The following RAB31 variants were observed in gnomAD, a reference collection of about 807,000 sequenced individuals.
RAB31 encodes ras-related protein Rab-31.
RAB31 carries 21 observed loss-of-function variants against 25.6 expected under a neutral mutation model. The ratio of observed to expected loss-of-function variants is 0.82; its 90% confidence interval spans 0.58 to 1.18. The LOEUF is 1.18. Ranked by LOEUF, RAB31 falls within the 50% of genes most tolerant of loss-of-function variation. The probability of loss-of-function intolerance (pLI) is 0.00; values close to 1 mark genes in which losing one functional copy is unlikely to be tolerated. For missense variants in RAB31, 196 were observed against 250.1 expected (o/e 0.78, Z 1.46); for synonymous variants, 87 against 84.0 (o/e 1.04, Z -0.20).
At chr18:9,778,671 A>T (rs2068386292) in intron 2 of RAB31, among the ~76,000 whole-genome samples, 1 of 152,130 alleles carries the variant, frequency 6.6e-6, no homozygotes, top group African/African-American at 2.4e-5. Context: ...GGGTTTCACC[A>T]TGTTGGCCAG....
chr18:9,782,927 T>C (rs1188575073), intron 2 of RAB31, among the ~76,000 whole-genome samples: 2 of 148,330 alleles, frequency 1.3e-5, no homozygotes, highest in African/African-American at 2.6e-5. Context: ...CACTGTGTTG[T>C]TGCCTAGGCT....
chr18:9,749,334 CGGAACAGAG>C (rs200608397), intron 1 of RAB31, among the ~76,000 whole-genome samples: 110 of 131,102 alleles, frequency 8.4e-4, no homozygotes, highest in Non-Finnish European at 1.4e-3. Context: ...CCCCATTTTA[CGGAACAGAG>C]GGAACAGAGG....
intron 3 of RAB31, among the ~76,000 whole-genome samples, chr18:9,811,078 G>A (rs147788253): frequency 0.011 from 1,615 of 152,272 alleles, 16 homozygotes; most frequent in Non-Finnish European, 0.016. Flanking sequence ...CACAGTGTTG[G>A]GCCGTCAGTG....
intron 5 of RAB31, among the ~76,000 whole-genome samples, chr18:9,844,165 CT>C (rs1785341519): frequency 6.6e-6 from 1 of 152,170 alleles, no homozygotes; most frequent in South Asian, 2.1e-4. Context: ...TTTTCCTAGA[CT>C]GTGGAGCTGA....
At chr18:9,783,611 G>A (rs572262061) in intron 2 of RAB31, among the ~76,000 whole-genome samples, 2 of 152,126 alleles carry the variant, frequency 1.3e-5, no homozygotes, top group South Asian at 2.1e-4. Context: ...ATTTTTAAAT[G>A]AGTTTATGGA....
chr18:9,821,576 G>T (rs2068624749), intron 5 of RAB31, among the ~76,000 whole-genome samples: 1 of 152,020 alleles, frequency 6.6e-6, no homozygotes, highest in South Asian at 2.1e-4. Flanking sequence ...TACCAAAAAA[G>T]TTCTAAAAAT....
chr18:9,709,935 C>G (rs1053395757), intron 1 of RAB31, among the ~76,000 whole-genome samples: 3 of 152,216 alleles, frequency 2.0e-5, no homozygotes, highest in African/African-American at 7.2e-5. Context: ...ATGTCGTGTT[C>G]CAAGGAATGA....
chr18:9,736,708 C>G (rs975055889), intron 1 of RAB31, among the ~76,000 whole-genome samples: 1 of 152,138 alleles, frequency 6.6e-6, no homozygotes, highest in African/African-American at 2.4e-5. Flanking sequence ...TTGCCGAAAG[C>G]AAGAGAAGTC....
At chr18:9,736,290 T>G (rs2068150866) in intron 1 of RAB31, among the ~76,000 whole-genome samples, 1 of 152,242 alleles carries the variant, frequency 6.6e-6, no homozygotes. Flanking sequence ...CATTTCCTTT[T>G]GATTCTAGCA....
chr18:9,741,653 A>ACATGTCCATG (rs2145472283), intron 1 of RAB31, among the ~76,000 whole-genome samples: 1 of 152,240 alleles, frequency 6.6e-6, no homozygotes, highest in East Asian at 1.9e-4. Flanking sequence ...TGCAGCACGT[A>ACATGTCCATG]CATGTCCATG....
rs1599071404 is a variant in RAB31, at chr18:9,859,486, C to T, written c.*161C>T. On this transcript the variant is annotated 3_prime_UTR_variant, in exon 7 of 7. Transcript: ENST00000578921. ...TGCAGGGGGCGGGGCAGGAAATGTA[C>T]CTGAAAAGGATTTTAGAAAACCCTG... The T allele has an allele frequency of 3.7e-6, 2 of 533,500 alleles. No homozygotes were observed. Among genetic ancestry groups the T allele is most frequent in the East Asian group, 6.4e-5 (2 of 31,238 alleles). 33.0% of individuals were successfully genotyped at this position (533,500 alleles called of 1,614,324 possible).
intron 3 of RAB31, among the ~76,000 whole-genome samples, chr18:9,810,787 C>T (rs1463691765): frequency 6.6e-6 from 1 of 152,142 alleles, no homozygotes; most frequent in African/African-American, 2.4e-5. Context: ...AATATCTTTA[C>T]TTTTGGGAAA....
chr18:9,708,569 G>A lies in RAB31; in HGVS notation c.39+125G>A. Reference sequence around the variant, plus strand: ...TCTCCGCACCCCTCTCGTAGCCCCCGTCCCCCTCGTCCGCGCGCCCCCTGG... The same window carrying A: ...TCTCCGCACCCCTCTCGTAGCCCCCATCCCCCTCGTCCGCGCGCCCCCTGG... On this transcript the variant is annotated intron_variant, in intron 1 of 6. Transcript: ENST00000578921. The surrounding 1 kb of genome is among the most constrained non-coding windows in gnomAD (Gnocchi z 6.4). 5.1e-6 allele frequency: 4 copies of A among 781,918 alleles called. No individual in the cohort carries two copies. Among genetic ancestry groups the A allele is most frequent in the Non-Finnish European group, 5.3e-6 (3 of 561,970 alleles). 48.4% of individuals were successfully genotyped at this position (781,918 alleles called of 1,614,324 possible). A position where few individuals can be genotyped will look rare whatever the true frequency, so the allele number is the denominator to read the frequency against.
At chr18:9,856,626 G>A (rs1177249480) in intron 6 of RAB31, among the ~76,000 whole-genome samples, 1 of 152,166 alleles carries the variant, frequency 6.6e-6, no homozygotes, top group Non-Finnish European at 1.5e-5. Flanking sequence ...TTTTGATACA[G>A]TGAAAAATGC....
chr18:9,778,143 C>G (rs2068382982), intron 2 of RAB31, among the ~76,000 whole-genome samples: 1 of 152,130 alleles, frequency 6.6e-6, no homozygotes, highest in Non-Finnish European at 1.5e-5. Context: ...AAGTGTTAAG[C>G]ATAGGTATAG....
At chr18:9,844,533 G>A (rs575034167) in intron 5 of RAB31, among the ~76,000 whole-genome samples, 12 of 152,102 alleles carry the variant, frequency 7.9e-5, no homozygotes, top group African/African-American at 1.4e-4. Context: ...ACTTTATGTC[G>A]CAGTGTTGTG....
intron 1 of RAB31, among the ~76,000 whole-genome samples, chr18:9,770,382 G>A (rs990787985): frequency 2.0e-5 from 3 of 152,206 alleles, no homozygotes; most frequent in Non-Finnish European, 4.4e-5. Flanking sequence ...TCACAGATTG[G>A]TGGTGCCTAG....
chr18:9,746,543 A>C (rs1363640386), intron 1 of RAB31, among the ~76,000 whole-genome samples: 2 of 147,426 alleles, frequency 1.4e-5, no homozygotes, highest in African/African-American at 5.0e-5. Flanking sequence ...TAATCAAAAT[A>C]GTGTGGTACT....
At chr18:9,850,568 G>T (rs1385712063) in intron 6 of RAB31, among the ~76,000 whole-genome samples, 1 of 152,234 alleles carries the variant, frequency 6.6e-6, no homozygotes, top group African/African-American at 2.4e-5. Flanking sequence ...TATGCATTTT[G>T]CTCCAGTTAA....
Sources: allele counts gnomAD v4.1 joint callset (sites outside exome capture counted in the v4.1 genomes callset), GRCh38; gene constraint gnomAD v4.1.1; non-coding constraint Gnocchi (gnomAD v3.1); transcripts MANE v1.5; gene names NCBI Gene and HGNC (gene_info 2026-07-23, HGNC 2026-07-21).